The following CDH13 variants were observed in gnomAD, a reference collection of about 807,000 sequenced individuals.
CDH13 encodes the protein cadherin-13.
In CDH13, 24 loss-of-function variants were observed where a neutral mutation model predicts 63.8. The ratio of observed to expected loss-of-function variants is 0.38; its 90% CI spans 0.27 to 0.53. The LOEUF is 0.53. CDH13 is among the 20% of genes least tolerant of loss of function. The pLI, the probability that CDH13 is intolerant of heterozygous loss-of-function variation, is 0.85. For synonymous variants in CDH13, 503 were observed against 355.3 expected, an observed-to-expected ratio of 1.42 and a Z score of -4.67; for missense variants, 1,049 against 903.1, an observed-to-expected ratio of 1.16 and a Z score of -2.07.
chr16:83,346,461 A>C (rs1421581636), intron 6 of CDH13, among the ~76,000 whole-genome samples: 1 of 152,246 alleles, frequency 6.6e-6, no homozygotes. Context: ...GAACAGAAAA[A>C]TGATTCCCAA....
chr16:83,328,236 A>G lies in CDH13; in HGVS notation c.637-16626A>G, dbSNP rs184785459. On this transcript the variant is annotated intron_variant, in intron 5 of 13. Coordinates refer to ENST00000567109, the MANE Select transcript of CDH13 (RefSeq NM_001257.5). ...TGGCAGAGGGATTTATATAAGAAACAGAAGTCCATGCTTGGAATCTCAGCT... is the reference window on the plus strand; with the variant it reads ...TGGCAGAGGGATTTATATAAGAAACGGAAGTCCATGCTTGGAATCTCAGCT... Among the ~76,000 whole-genome samples, 569 of 152,324 alleles carry G rather than the reference A, an allele frequency of 3.7e-3. 6 individuals are homozygous for G. Among genetic ancestry groups the G allele is most frequent in the Non-Finnish European group, 3.2e-3 (218 of 68,024 alleles).
intron 4 of CDH13, among the ~76,000 whole-genome samples, chr16:83,132,819 A>G (rs1472575342): frequency 6.6e-6 from 1 of 152,226 alleles, no homozygotes; most frequent in Non-Finnish European, 1.5e-5. Context: ...CAGAGTATCT[A>G]AGATGCCTAA....
intron 6 of CDH13, among the ~76,000 whole-genome samples, chr16:83,405,003 C>T (rs1323675502): frequency 6.6e-6 from 1 of 151,176 alleles, no homozygotes; most frequent in Non-Finnish European, 1.5e-5. Context: ...CCCAGATAAC[C>T]AAGTTAACAT....
At chr16:83,291,109 T>C (rs2089456321) in intron 5 of CDH13, among the ~76,000 whole-genome samples, 1 of 152,190 alleles carries the variant, frequency 6.6e-6, no homozygotes, top group African/African-American at 2.4e-5. Context: ...AGCGGCAAGC[T>C]ACCAACCTGA....
At chr16:83,732,780 C>T (rs1911166425) in intron 10 of CDH13, among the ~76,000 whole-genome samples, 1 of 152,170 alleles carries the variant, frequency 6.6e-6, no homozygotes, top group Non-Finnish European at 1.5e-5. Flanking sequence ...CAACTGCTTC[C>T]TGCAGGGATT....
chr16:82,785,392 C>T (rs961131448), intron 1 of CDH13, among the ~76,000 whole-genome samples: 3 of 152,148 alleles, frequency 2.0e-5, no homozygotes, highest in African/African-American at 7.2e-5. Flanking sequence ...AAATGCAGCT[C>T]TTTAAAATGG....
At chr16:83,259,984 G>T (rs11641456) in intron 5 of CDH13, among the ~76,000 whole-genome samples, 15,224 of 151,916 alleles carry the variant, frequency 0.1, 1,067 homozygotes, top group Non-Finnish European at 0.14. Context: ...TGCTTCTTAC[G>T]TGGCTCTCTC....
rs1438133264 is a variant in CDH13 at position 83,281,885 on chromosome 16, C to T, written c.637-62977C>T. ...CCGAGATTGCACCACTGCATTCTAA[C>T]CTCGGCAACAGAGCGGGACTCCGTT... On this transcript the variant is annotated intron_variant, in intron 5 of 13. Transcript: ENST00000567109. Among the ~76,000 whole-genome samples the T allele has an allele frequency of 2.6e-5, 4 of 152,112 alleles. 1 individual carries two copies. Among genetic ancestry groups the T allele is most frequent in the Middle Eastern group, 6.3e-3 (2 of 316 alleles).
At chr16:83,162,993 C>T (rs74574038) in intron 4 of CDH13, among the ~76,000 whole-genome samples, 2,113 of 152,132 alleles carry the variant, frequency 0.014, 81 homozygotes, top group South Asian at 0.11. Context: ...TCCCATGTGT[C>T]GTAGGAGGAA....
At chr16:83,450,135 T>C (rs910947782) in intron 6 of CDH13, among the ~76,000 whole-genome samples, 2 of 152,128 alleles carry the variant, frequency 1.3e-5, no homozygotes, top group Non-Finnish European at 2.9e-5. Context: ...CAGCGCCCTG[T>C]GATTGATTCT....
chr16:83,338,891 A>T (rs1322516449), intron 5 of CDH13, among the ~76,000 whole-genome samples: 1 of 152,236 alleles, frequency 6.6e-6, no homozygotes, highest in Non-Finnish European at 1.5e-5. Context: ...AGACTTGTCA[A>T]AGCAAAGGTA....
At chr16:83,023,300 A>ACC (rs55734721) in intron 2 of CDH13, among the ~76,000 whole-genome samples, 16,789 of 151,424 alleles carry the variant, frequency 0.11, 1,153 homozygotes, top group East Asian at 0.29. Flanking sequence ...TGTTTTCACT[A>ACC]CCCCCCGACT....
At chr16:82,854,411 A>AC (rs1379743619) in intron 1 of CDH13, among the ~76,000 whole-genome samples, 1 of 151,640 alleles carries the variant, frequency 6.6e-6, no homozygotes, top group Non-Finnish European at 1.5e-5. Context: ...AAAAAAAAAA[A>AC]AAAAAACAGT....
chr16:83,626,941 C>G (rs186238722), intron 8 of CDH13, among the ~76,000 whole-genome samples: 29 of 152,200 alleles, frequency 1.9e-4, no homozygotes, highest in African/African-American at 6.5e-4. Context: ...AGCATCTCAC[C>G]TCTCTCGGCT....
intron 7 of CDH13, among the ~76,000 whole-genome samples, chr16:83,551,721 C>T (rs1345905140): frequency 6.6e-6 from 1 of 152,180 alleles, no homozygotes; most frequent in African/African-American, 2.4e-5. Context: ...GAAATAAATG[C>T]ATCTCCCTTT....
intron 1 of CDH13, among the ~76,000 whole-genome samples, chr16:82,748,393 C>T (rs1262782337): frequency 6.6e-6 from 1 of 152,152 alleles, no homozygotes; most frequent in Non-Finnish European, 1.5e-5. Context: ...TGCCTGAGTT[C>T]TTAATCGTGT....
At chr16:82,663,056 G>A (rs1912151089) in intron 1 of CDH13, among the ~76,000 whole-genome samples, 1 of 152,202 alleles carries the variant, frequency 6.6e-6, no homozygotes, top group Non-Finnish European at 1.5e-5. Context: ...TCCTCTCTGG[G>A]AGGGGCATCC....
At chr16:83,221,321 C>G in intron 5 of CDH13, among the ~76,000 whole-genome samples, 1 of 152,100 alleles carries the variant, frequency 6.6e-6, no homozygotes. Flanking sequence ...GCCCCAGCCC[C>G]CAGAAAAACT....
At position 83,678,109 on chromosome 16, in the gene CDH13, A is replaced by G. The variant is rs1915112095; in HGVS notation, c.1285-99A>G. The G allele has an allele frequency of 2.4e-6, 3 of 1,264,994 alleles. No individual in the cohort carries two copies. In the East Asian group the frequency reaches 7.1e-5, roughly 30 times the overall value. 78.4% of individuals were successfully genotyped at this position (1,264,994 alleles called of 1,614,324 possible). On this transcript the variant is annotated intron_variant, in intron 9 of 13. Transcript: ENST00000567109. ...CTCCAAAGCCCAGCTCCATCCCTGA[A>G]GGCCCACTGTTGCTCGTGGAATTTC...
Sources: gnomAD v4.1 joint callset for allele counts (sites outside exome capture counted in the v4.1 genomes callset) on GRCh38, gnomAD v4.1.1 for gene constraint, MANE v1.5 for transcripts, NCBI Gene and HGNC (gene_info 2026-07-23, HGNC 2026-07-21) for gene names.